NEDD9: variants seen among roughly 807,000 people sequenced by gnomAD.
NEDD9 encodes enhancer of filamentation 1.
In NEDD9, 26 loss-of-function variants were observed where a neutral mutation model predicts 76.6. The observed-to-expected ratio is 0.34, with a 90% CI of 0.25 to 0.47. The LOEUF is 0.47. Ranked by LOEUF, NEDD9 falls within the 20% of genes least tolerant of loss-of-function variation. The probability of loss-of-function intolerance (pLI) is 1.00; values close to 1 mark genes in which losing one functional copy is unlikely to be tolerated. For synonymous variants in NEDD9, 392 were observed against 414.2 expected (o/e 0.95, Z 0.65); for missense variants, 937 against 1,058.5 (o/e 0.89, Z 1.59).
intron 3 of NEDD9, among the ~76,000 whole-genome samples, chr6:11,301,333 T>A (rs1386677484): frequency 2.0e-5 from 3 of 152,178 alleles, no homozygotes; most frequent in Non-Finnish European, 4.4e-5. Flanking sequence ...TAAATATATA[T>A]GCACCCAATA....
intron 1 of NEDD9, among the ~76,000 whole-genome samples, chr6:11,224,635 AT>A (rs138953802): frequency 0.13 from 20,227 of 151,986 alleles, 2,756 homozygotes; most frequent in African/African-American, 0.35. Context: ...GAAAAAAAAA[AT>A]CTCATCGACA....
At chr6:11,191,924 G>A (rs1194546422) in intron 4 of NEDD9, among the ~76,000 whole-genome samples, 1 of 152,198 alleles carries the variant, frequency 6.6e-6, no homozygotes, top group Non-Finnish European at 1.5e-5. Context: ...AGGATTGCTT[G>A]AGCCTGGGAA....
intron 3 of NEDD9, among the ~76,000 whole-genome samples, chr6:11,272,256 T>G (rs1760323985): frequency 6.6e-6 from 1 of 152,226 alleles, no homozygotes; most frequent in Non-Finnish European, 1.5e-5. Flanking sequence ...CCTGCAAATC[T>G]GTCTTCGTCT....
intron 2 of NEDD9, among the ~76,000 whole-genome samples, chr6:11,322,898 C>CA (rs544356372): frequency 2.6e-4 from 40 of 152,114 alleles, no homozygotes; most frequent in Non-Finnish European, 5.3e-4. Flanking sequence ...GACCAGCAGC[C>CA]AAAAAACCCA....
At chr6:11,290,681 T>C (rs554204864) in intron 3 of NEDD9, among the ~76,000 whole-genome samples, 1 of 152,176 alleles carries the variant, frequency 6.6e-6, no homozygotes, top group Admixed American at 6.5e-5. Context: ...TATCCATTAA[T>C]TGGAATTAAT....
At position 11,185,523 on chromosome 6, in the gene NEDD9, C is replaced by T; in HGVS notation, c.2144G>A (p.Cys715Tyr). The change falls in exon 7 of 7, where the codon TGT becomes TAT. Residue 715 changes from cysteine to tyrosine, a missense_variant. Transcript: ENST00000379446. ...RQLLCFYYDQ[C>Y]ETHFISLLNA... ...GAGAAGGGAAATGAAATGGGTCTCA[C>T]ATTGGTCATAGTAGAAGCACAGCAA... 1.2e-6 allele frequency: 2 copies of T among 1,614,188 alleles called. No individual in the cohort carries two copies. Among genetic ancestry groups the T allele is most frequent in the Non-Finnish European group, 1.7e-6 (2 of 1,180,042 alleles).
intron 3 of NEDD9, among the ~76,000 whole-genome samples, chr6:11,261,909 T>G (rs1323427625): frequency 2.6e-5 from 4 of 152,234 alleles, no homozygotes; most frequent in African/African-American, 9.6e-5. Flanking sequence ...GATTCTCGTC[T>G]TACCCTGAGG....
chr6:11,316,159 G>T (rs1411703796), intron 2 of NEDD9, among the ~76,000 whole-genome samples: 1 of 152,094 alleles, frequency 6.6e-6, no homozygotes, highest in Non-Finnish European at 1.5e-5. Context: ...CACCCATCTG[G>T]TATTAATTTT....
Position 11,192,445 on chromosome 6 carries a change from A to G in NEDD9, c.563T>C (p.Val188Ala). The G allele has an allele frequency of 6.2e-7, 1 of 1,609,212 alleles. No homozygotes were observed. The highest frequency in any genetic ancestry group is 8.5e-7 in the Non-Finnish European group (1 of 1,177,420). Residue 188 changes from valine (V) to alanine (A), a missense_variant and splice_region_variant, in exon 4 of 7, where the codon GTA becomes GCA. Physicochemically the swap from Val to Ala is moderately conservative, Grantham distance 64. Transcript: ENST00000379446. ...TGCTGATGAGGGAGGGATGTCGTAT[A>G]CCTGAAGAGAAACCCGTGAGTTACC... is the stretch of plus-strand genomic sequence containing the variant. ...DIPPSHTTQG[V>A]YDIPPSSAKG...
At chr6:11,276,392 C>A (rs116727741) in intron 3 of NEDD9, among the ~76,000 whole-genome samples, 19 of 151,926 alleles carry the variant, frequency 1.3e-4, no homozygotes, top group African/African-American at 4.6e-4. Flanking sequence ...TGTGTGTGTG[C>A]GTGCATGTGT....
At chr6:11,258,304 A>G (rs895745118) in intron 3 of NEDD9, among the ~76,000 whole-genome samples, 3 of 152,292 alleles carry the variant, frequency 2.0e-5, no homozygotes, top group African/African-American at 7.2e-5. Flanking sequence ...TTTTACATCA[A>G]CATTTTTCTC....
intron 2 of NEDD9, among the ~76,000 whole-genome samples, chr6:11,331,268 T>C (rs1762031961): frequency 6.6e-6 from 1 of 151,706 alleles, no homozygotes. Context: ...ATAAAAATTG[T>C]TCTGTCCAGA....
At chr6:11,209,003 T>C (rs1317438353) in intron 2 of NEDD9, among the ~76,000 whole-genome samples, 1 of 151,952 alleles carries the variant, frequency 6.6e-6, no homozygotes, top group Non-Finnish European at 1.5e-5. Context: ...GAGTAACTTA[T>C]TTAATTTAGG....
chr6:11,230,679 G>A (rs1171481772), intron 1 of NEDD9, among the ~76,000 whole-genome samples: 1 of 152,156 alleles, frequency 6.6e-6, no homozygotes, highest in Admixed American at 6.5e-5. Context: ...GTGTTCGGTC[G>A]GAGAAGTTAG....
chr6:11,312,692 T>TTATA (rs111434917), intron 2 of NEDD9, among the ~76,000 whole-genome samples: 29 of 65,946 alleles, frequency 4.4e-4, no homozygotes, highest in African/African-American at 9.8e-4. Context: ...ATTATATATA[T>TTATA]TATATATATA....
intron 3 of NEDD9, among the ~76,000 whole-genome samples, chr6:11,253,761 C>T (rs1318794504): frequency 2.0e-5 from 3 of 152,176 alleles, no homozygotes; most frequent in Non-Finnish European, 4.4e-5. Flanking sequence ...GTGAATGCAA[C>T]ATCAGGATTC....
At chr6:11,238,037 T>A (rs1453850722) in intron 3 of NEDD9, among the ~76,000 whole-genome samples, 1 of 152,162 alleles carries the variant, frequency 6.6e-6, no homozygotes. Flanking sequence ...CTTTTACAAG[T>A]CTCCAGAAAC....
At chr6:11,266,884 T>C (rs1011499038) in intron 3 of NEDD9, among the ~76,000 whole-genome samples, 2 of 152,224 alleles carry the variant, frequency 1.3e-5, no homozygotes, top group Non-Finnish European at 2.9e-5. Context: ...GCAAGAAGAC[T>C]GGGCTCATCT....
intron 1 of NEDD9, among the ~76,000 whole-genome samples, chr6:11,338,452 GT>G (rs925202673): frequency 2.6e-5 from 4 of 152,230 alleles, no homozygotes; most frequent in Admixed American, 6.5e-5. Context: ...TTGTGTTTTT[GT>G]TTTTTAACAA....
Sources: allele counts gnomAD v4.1 joint callset (sites outside exome capture counted in the v4.1 genomes callset), GRCh38; gene constraint gnomAD v4.1.1; transcripts MANE v1.5; gene names NCBI Gene and HGNC (gene_info 2026-07-23, HGNC 2026-07-21).